FNIP1: variants seen among roughly 807,000 people sequenced by gnomAD.
The protein encoded by FNIP1 is folliculin interacting protein 1.
FNIP1 carries 40 observed loss-of-function variants against 124.5 expected under a neutral mutation model. That is an observed-to-expected ratio of 0.32 (90% confidence interval 0.25 to 0.42). The LOEUF is 0.42. Among genes scored for constraint, FNIP1 ranks in the 10% least tolerant of loss-of-function variants. The pLI, the probability that FNIP1 is intolerant of heterozygous loss-of-function variation, is 1.00. For synonymous variants in FNIP1, 472 were observed against 470.6 expected (o/e 1.00, Z -0.04); for missense variants, 1,176 against 1,403.7 (o/e 0.84, Z 2.59).
chr5:131,736,655 G>C (rs1451665951), intron 2 of FNIP1, among the ~76,000 whole-genome samples: 4 of 152,208 alleles, frequency 2.6e-5, no homozygotes, highest in Non-Finnish European at 4.4e-5. Flanking sequence ...AACTGTGCAT[G>C]GGAGAGATCT....
chr5:131,761,518 A>C (rs895808504), intron 1 of FNIP1, among the ~76,000 whole-genome samples: 10 of 152,210 alleles, frequency 6.6e-5, no homozygotes, highest in Non-Finnish European at 1.3e-4. Flanking sequence ...TCCCAATTAC[A>C]GTAACTACAA....
At chr5:131,682,885 A>G (rs1016715487) in intron 11 of FNIP1, among the ~76,000 whole-genome samples, 3 of 152,194 alleles carry the variant, frequency 2.0e-5, no homozygotes, top group African/African-American at 7.2e-5. Context: ...CCGGACAATG[A>G]AAGACTCTTT....
chr5:131,736,181 C>G lies in FNIP1; in HGVS notation c.220-5143G>C, dbSNP rs572968926. On this transcript the variant is annotated intron_variant, in intron 2 of 17. Transcript: ENST00000510461. ...TATGTTTCAACTCTTGATAAAAATA[C>G]GGGTATTTTTACTATTGGCATCCTT... Among the ~76,000 whole-genome samples, 3 of 152,118 alleles carry G rather than the reference C, an allele frequency of 2.0e-5. No individual in the cohort carries two copies. The South Asian group carries it at 6.2e-4, about 31-fold the overall frequency.
chr5:131,770,574 C>T (rs868566865), intron 1 of FNIP1, among the ~76,000 whole-genome samples: 3 of 152,094 alleles, frequency 2.0e-5, no homozygotes, highest in Admixed American at 6.5e-5. Flanking sequence ...TTCCTCACAC[C>T]CAACATGCCA....
At chr5:131,785,889 T>C (rs951103188) in intron 1 of FNIP1, among the ~76,000 whole-genome samples, 1 of 152,150 alleles carries the variant, frequency 6.6e-6, no homozygotes, top group African/African-American at 2.4e-5. Flanking sequence ...ATAATGTCTA[T>C]TTTTTACAAA....
chr5:131,698,068 G>C (rs1489378097), intron 11 of FNIP1, among the ~76,000 whole-genome samples: 1 of 151,182 alleles, frequency 6.6e-6, no homozygotes, highest in Admixed American at 6.6e-5. Context: ...AATTTCATTT[G>C]ATCCTTATAA....
chr5:131,748,477 A>G (rs1770758663), intron 1 of FNIP1, among the ~76,000 whole-genome samples: 1 of 152,110 alleles, frequency 6.6e-6, no homozygotes, highest in African/African-American at 2.4e-5. Context: ...GCAGATCACA[A>G]GGTCAGGAGA....
chr5:131,662,733 A>ATTTTTTTTTTTTTTTTTTTTTTTTTTTT (rs34051607), intron 15 of FNIP1, among the ~76,000 whole-genome samples: 1 of 76,950 alleles, frequency 1.3e-5, no homozygotes, highest in Non-Finnish European at 2.4e-5. Flanking sequence ...GATATTCTAG[A>ATTTTTTTTTTTTTTTTTTTTTTTTTTTT]TTTTTTTTTT....
At chr5:131,795,950 A>G (rs1269992262) in intron 1 of FNIP1, 3 of 152,210 alleles carry the variant, frequency 2.0e-5, no homozygotes, top group African/African-American at 7.2e-5. Context: ...GGCTGTTTGG[A>G]CATAATCTCC....
chr5:131,652,328 G>GT (rs1248087154), intron 15 of FNIP1, among the ~76,000 whole-genome samples: 1 of 152,204 alleles, frequency 6.6e-6, no homozygotes, highest in South Asian at 2.1e-4. Flanking sequence ...GAAAGAAAAT[G>GT]TTTTTTTACC....
At chr5:131,725,526 T>C (rs2149546466) in intron 3 of FNIP1, among the ~76,000 whole-genome samples, 1 of 152,358 alleles carries the variant, frequency 6.6e-6, no homozygotes. Flanking sequence ...GGAATGCTTG[T>C]GATTTTTGCA....
At chr5:131,727,293 G>C (rs1769913540) in intron 3 of FNIP1, among the ~76,000 whole-genome samples, 1 of 152,070 alleles carries the variant, frequency 6.6e-6, no homozygotes, top group African/African-American at 2.4e-5. Context: ...CAGTTTCTTT[G>C]TAGGTCTTTA....
chr5:131,735,457 T>TTATATATATATTTA (rs1253509848), intron 2 of FNIP1, among the ~76,000 whole-genome samples: 1 of 148,630 alleles, frequency 6.7e-6, no homozygotes, highest in African/African-American at 2.5e-5. Context: ...TTAAAGTATT[T>TTATATATATATTTA]TATATATATA....
intron 1 of FNIP1, among the ~76,000 whole-genome samples, chr5:131,794,443 T>C (rs1190548431): frequency 6.6e-6 from 1 of 152,016 alleles, no homozygotes; most frequent in Non-Finnish European, 1.5e-5. Context: ...ATTTAGCACA[T>C]GACTCTGCAA....
chr5:131,661,504 C>T (rs984892304), intron 15 of FNIP1, among the ~76,000 whole-genome samples: 2 of 152,012 alleles, frequency 1.3e-5, no homozygotes, highest in African/African-American at 4.8e-5. Flanking sequence ...CTTGATAAGT[C>T]AGTATTAGGT....
At chr5:131,767,810 T>G (rs1771490642) in intron 1 of FNIP1, among the ~76,000 whole-genome samples, 1 of 152,178 alleles carries the variant, frequency 6.6e-6, no homozygotes. Context: ...TCCAAAGACT[T>G]TAGTTATCAA....
intron 1 of FNIP1, among the ~76,000 whole-genome samples, chr5:131,749,709 A>G (rs932087136): frequency 1.9e-4 from 29 of 151,868 alleles, no homozygotes; most frequent in Non-Finnish European, 4.4e-5. Flanking sequence ...TATCTTTTAT[A>G]CCATATTTTT....
intron 15 of FNIP1, among the ~76,000 whole-genome samples, chr5:131,667,107 A>G (rs1041591050): frequency 2.0e-5 from 3 of 152,344 alleles, no homozygotes; most frequent in African/African-American, 4.8e-5. Context: ...CTAATAAAAA[A>G]TCTGTCCTTT....
intron 14 of FNIP1, among the ~76,000 whole-genome samples, 171 bp downstream of exon 14, chr5:131,671,334 G>A (rs1395013721): frequency 6.6e-6 from 1 of 152,146 alleles, no homozygotes; most frequent in Non-Finnish European, 1.5e-5. Flanking sequence ...AACCTTTCCA[G>A]GGTGTTTCTG....
Sources: gnomAD v4.1 joint callset for allele counts (sites outside exome capture counted in the v4.1 genomes callset) on GRCh38, gnomAD v4.1.1 for gene constraint, MANE v1.5 for transcripts, NCBI Gene and HGNC (gene_info 2026-07-23, HGNC 2026-07-21) for gene names.